Variants in ZNF816 observed in about 807,000 individuals in gnomAD.
ZNF816 encodes zinc finger protein 816A.
In ZNF816, 11 loss-of-function variants were observed where a neutral mutation model predicts 8.3. The ratio of observed to expected loss-of-function variants is 1.32; its 90% CI spans 0.83 to 2.19. The LOEUF (loss-of-function observed/expected upper bound fraction) is 2.19, where lower values mean the gene tolerates loss of function less well. Among genes scored for constraint, ZNF816 ranks in the 30% most tolerant of loss-of-function variants. ZNF816 has a pLI of 0.00. For missense variants in ZNF816, 710 were observed against 779.3 expected, an observed-to-expected ratio of 0.91 and a Z score of 1.06; for synonymous variants, 255 against 254.5, an observed-to-expected ratio of 1.00 and a Z score of -0.02.
rs1287072538 is a variant in ZNF816 at position 52,957,841 on chromosome 19, G to T, written c.-15-1737C>A. Reference sequence around the variant, plus strand: ...TGAGAGCCACCGTCTCTTCTACAGAGCACAGCTCTTTACAGCTAAGGTTAC... The same window carrying T: ...TGAGAGCCACCGTCTCTTCTACAGATCACAGCTCTTTACAGCTAAGGTTAC... On this transcript the variant is annotated intron_variant, in intron 1 of 3. Transcript: ENST00000444460. The surrounding 1 kb of genome is among the most constrained non-coding windows in gnomAD (Gnocchi z 4.6). Among the ~76,000 whole-genome samples the T allele has an allele frequency of 6.6e-6, 1 of 152,162 alleles. No homozygotes were observed.
rs2083538395 is a variant in ZNF816 at position 52,959,496 on chromosome 19, G to A, written c.-16+3231C>T. On this transcript the variant is annotated intron_variant, in intron 1 of 3. Coordinates refer to ENST00000444460, the MANE Select transcript of ZNF816 (RefSeq NM_001202457.3). ...TTCAACAGCCCACAAGGAGAGAGATGTGCAGGATATGCGGTAGTAACCCTG... is the reference window on the plus strand; with the variant it reads ...TTCAACAGCCCACAAGGAGAGAGATATGCAGGATATGCGGTAGTAACCCTG... Among the ~76,000 whole-genome samples the A allele has an allele frequency of 2.6e-5, 4 of 152,332 alleles. No individual in the cohort carries two copies. The South Asian group carries it at 8.3e-4, about 32-fold the overall frequency.
At chr19:52,955,539 C>T (rs937273477) in intron 2 of ZNF816, among the ~76,000 whole-genome samples, 2 of 152,138 alleles carry the variant, frequency 1.3e-5, no homozygotes, top group Non-Finnish European at 2.9e-5. Context: ...AAAAGTTTGG[C>T]GTCAGAGACA....
In ZNF816 at chr19:52,957,573, C is replaced by T. The variant is rs920653485; in HGVS notation, c.-15-1469G>A. ...CAACTGCCCCCAAGGAGCCCATGGT[C>T]AAGATGACAGTTAGGGGCAAAGACA... is the stretch of plus-strand genomic sequence containing the variant. On this transcript the variant is annotated intron_variant, in intron 1 of 3. Coordinates refer to ENST00000444460, the MANE Select transcript of ZNF816 (RefSeq NM_001202457.3). The surrounding 1 kb of genome is among the most constrained non-coding windows in gnomAD (Gnocchi z 4.6). Among the ~76,000 whole-genome samples the T allele has an allele frequency of 3.9e-5, 6 of 152,162 alleles. No individual in the cohort carries two copies. Among genetic ancestry groups the T allele is most frequent in the Admixed American group, 1.3e-4 (2 of 15,278 alleles).
chr19:52,949,473 A>G lies in ZNF816; in HGVS notation c.*346T>C. On this transcript the variant is annotated 3_prime_UTR_variant, in exon 4 of 4. Coordinates refer to ENST00000444460, the MANE Select transcript of ZNF816 (RefSeq NM_001202457.3). ...TCTGCATGGAATGACCACAGAGTGA[A>G]GACCTTGCCACCCTTACATTTGTAA... 2.2e-6 allele frequency: 1 copy of G among 459,830 alleles called. No homozygotes were observed. The highest frequency in any genetic ancestry group is 3.1e-5 in the Admixed American group (1 of 31,996). The allele number at this position is 459,830 out of a possible 1,614,324, so 28.5% of individuals were successfully genotyped here.
chr19:52,950,404 T>A lies in ZNF816; in HGVS notation c.1371A>T (p.Lys457Asn). Reference protein sequence around the residue: ...HTGEKPYKCNKCGRSFSRKSS... With the variant: ...HTGEKPYKCNNCGRSFSRKSS... ...ACTTCCGACTGAAACTCCTGCCACA[T>A]TTATTACACTTGTATGGTTTCTCTC... is the stretch of plus-strand genomic sequence containing the variant. Residue 457 changes from lysine to asparagine, a missense_variant, in exon 4 of 4, where the codon AAA (lysine) becomes AAT (asparagine). Transcript: ENST00000444460. The A allele has an allele frequency of 6.2e-7, 1 of 1,611,524 alleles. No homozygotes were observed. The highest frequency in any genetic ancestry group is 1.1e-5 in the South Asian group (1 of 90,936).
At position 52,949,851 on chromosome 19, in the gene ZNF816, T is replaced by C; in HGVS notation, c.1924A>G (p.Ile642Val). ...GQSTLIHHQA[I>V]HGCRETLQM Reference sequence around the variant, plus strand: ...TGTAAAGTTTCCCTACACCCATGGATTGCTTGATGGTGAATAAGTGTTGAC... The same window carrying C: ...TGTAAAGTTTCCCTACACCCATGGACTGCTTGATGGTGAATAAGTGTTGAC... The change falls in exon 4 of 4, where the codon ATC becomes GTC. Residue 642 changes from isoleucine to valine, a missense_variant. Transcript: ENST00000444460. 1 of 1,613,742 alleles carries C rather than the reference T, an allele frequency of 6.2e-7. No individual in the cohort carries two copies. The highest frequency in any genetic ancestry group is 8.5e-7 in the Non-Finnish European group (1 of 1,179,732).
rs563768851 is a variant in ZNF816 at position 52,950,135 on chromosome 19, C to T, written c.1640G>A (p.Arg547Gln). Reference sequence around the variant, plus strand: ...ATGGTTTGCAAGGCATGAATCACTCCGGAAAGCCTTGTCACAAACCTTACA... The same window carrying T: ...ATGGTTTGCAAGGCATGAATCACTCTGGAAAGCCTTGTCACAAACCTTACA... ...YKCKVCDKAFRSDSCLANHTR... is the reference protein window; with the variant it reads ...YKCKVCDKAFQSDSCLANHTR... The change falls in exon 4 of 4, where the codon CGG becomes CAG. Residue 547 changes from arginine (R) to glutamine (Q), a missense_variant. Coordinates refer to ENST00000444460, the MANE Select transcript of ZNF816 (RefSeq NM_001202457.3). The T allele has an allele frequency of 3.8e-5, 61 of 1,614,048 alleles. No individual in the cohort carries two copies. The highest frequency in any genetic ancestry group is 8.8e-5 in the South Asian group (8 of 91,064).
intron 3 of ZNF816, 43 bp from the exon 4 acceptor site, chr19:52,951,627 T>C (rs761744086): frequency 1.4e-6 from 2 of 1,465,520 alleles, no homozygotes; most frequent in Admixed American, 2.3e-5. Context: ...TAAGTACAGA[T>C]GGTAAATAAT....
At chr19:52,952,473 C>A in intron 3 of ZNF816, 1 of 517,128 alleles carries the variant, frequency 1.9e-6, no homozygotes, top group South Asian at 3.2e-5. Context: ...GCTGACCATT[C>A]TGCTCAGGGC....
At chr19:52,953,649 T>C (rs1434359268) in intron 2 of ZNF816, among the ~76,000 whole-genome samples, 1 of 139,998 alleles carries the variant, frequency 7.1e-6, no homozygotes, top group Non-Finnish European at 1.5e-5. Flanking sequence ...ATATAATATA[T>C]ATTACAATAT....
Position 52,951,021 on chromosome 19 carries a change from A to T in ZNF816, c.754T>A (p.Ser252Thr), listed in dbSNP as rs2083454096. The change falls in exon 4 of 4, where the codon TCA becomes ACA. Residue 252 changes from serine (S) to threonine (T), a missense_variant. By Grantham distance (58) the Ser-to-Thr change is moderately conservative (BLOSUM62 1). Transcript: ENST00000444460. ...SLLRRHHITH[S>T]REREYKCDVC... ...TCACATTTATATTCTCTCTCTCTTG[A>T]ATGGGTTATGTGGTGTCTCCTTAAG... is the stretch of plus-strand genomic sequence containing the variant. 4.3e-6 allele frequency: 7 copies of T among 1,613,946 alleles called. No individual in the cohort carries two copies. Among genetic ancestry groups the T allele is most frequent in the Non-Finnish European group, 5.9e-6 (7 of 1,179,984 alleles).
At chr19:52,954,808 A>C (rs2083495286) in intron 2 of ZNF816, among the ~76,000 whole-genome samples, 1 of 138,638 alleles carries the variant, frequency 7.2e-6, no homozygotes. Flanking sequence ...GTCTCAAAAA[A>C]CATGCAAAAA....
chr19:52,952,654 C>CA, intron 3 of ZNF816, 97 bp downstream of exon 3: 1 of 1,587,368 alleles, frequency 6.3e-7, no homozygotes, highest in Non-Finnish European at 8.5e-7. Flanking sequence ...ACATCAAAAG[C>CA]ATGTATGGGG....
chr19:52,959,045 G>A (rs1429744523), intron 1 of ZNF816, among the ~76,000 whole-genome samples: 2 of 152,210 alleles, frequency 1.3e-5, no homozygotes, highest in African/African-American at 4.8e-5. Flanking sequence ...CCAAACTGTG[G>A]GGCCCTGGCC....
At position 52,957,320 on chromosome 19, in the gene ZNF816, C is replaced by T. The variant is rs894831958; in HGVS notation, c.-15-1216G>A. 1.1e-4 allele frequency among the ~76,000 whole-genome samples: 16 copies of T among 152,086 alleles called. No homozygotes were observed. The highest frequency in any genetic ancestry group is 5.8e-4 in the East Asian group (3 of 5,198). On this transcript the variant is annotated intron_variant, in intron 1 of 3. Coordinates refer to ENST00000444460, the MANE Select transcript of ZNF816 (RefSeq NM_001202457.3). The surrounding 1 kb of genome is among the most constrained non-coding windows in gnomAD (Gnocchi z 4.6). The stretch of plus-strand genomic sequence containing the variant: ...TGCTGGGTACTCCAGCCAGCTTGGG[C>T]GACATGGATTCTGAGAGTGCTACCA...
chr19:52,949,968 TA>T lies in ZNF816; in HGVS notation c.1806del (p.Phe602LeufsTer92). ...PYKCNECGKV[F>X]NQKASLAKHQ... The stretch of plus-strand genomic sequence containing the variant: ...TGTTTTGCAAGGCTTGCTTTTTGAT[TA>T]AAAACCTTGCCACATTCATTACACT... On this transcript the variant is annotated frameshift_variant, in exon 4 of 4. Coordinates refer to ENST00000444460, the MANE Select transcript of ZNF816 (RefSeq NM_001202457.3). LOFTEE classifies it low-confidence loss of function (END_TRUNC). 1 of 1,614,016 alleles carries T rather than the reference TA, an allele frequency of 6.2e-7. No homozygotes were observed. The highest frequency in any genetic ancestry group is 1.1e-5 in the South Asian group (1 of 91,068).
intron 2 of ZNF816, among the ~76,000 whole-genome samples, chr19:52,955,339 G>A (rs949882698): frequency 5.9e-5 from 9 of 152,220 alleles, no homozygotes; most frequent in South Asian, 2.1e-4. Flanking sequence ...ATCTATATCC[G>A]CTTTCCATTC....
rs781147714 is a variant in ZNF816, at chr19:52,949,823, A to G, written c.1952T>C (p.Met651Thr). The change falls in exon 4 of 4, where the codon ATG becomes ACG. Residue 651 changes from methionine to threonine, a missense_variant. Coordinates refer to ENST00000444460, the MANE Select transcript of ZNF816 (RefSeq NM_001202457.3). ...AIHGCRETLQ[M>T] ...CTGAAGACTTTGTGACAATCATTACATTTGTAAAGTTTCCCTACACCCATG... is the reference window on the plus strand; with the variant it reads ...CTGAAGACTTTGTGACAATCATTACGTTTGTAAAGTTTCCCTACACCCATG... The G allele has an allele frequency of 1.5e-5, 24 of 1,613,510 alleles. No individual in the cohort carries two copies. Among genetic ancestry groups the G allele is most frequent in the Non-Finnish European group, 1.9e-5 (22 of 1,179,704 alleles).
rs372208000 is a variant in ZNF816, at chr19:52,957,811, C to T, written c.-15-1707G>A. 2.4e-4 allele frequency among the ~76,000 whole-genome samples: 37 copies of T among 152,286 alleles called. No homozygotes were observed. Among genetic ancestry groups the T allele is most frequent in the East Asian group, 1.9e-4 (1 of 5,176 alleles). On this transcript the variant is annotated intron_variant, in intron 1 of 3. Transcript: ENST00000444460. This position sits in a 1 kb window ranked among gnomAD's most constrained non-coding sequence, Gnocchi z 4.6. ...AAAGGACTTGAAAGGACTTGCTTAGCGAGCTGAGAGCCACCGTCTCTTCTA... is the reference window on the plus strand; with the variant it reads ...AAAGGACTTGAAAGGACTTGCTTAGTGAGCTGAGAGCCACCGTCTCTTCTA...
Sources: gnomAD v4.1 joint callset for allele counts (sites outside exome capture counted in the v4.1 genomes callset) on GRCh38, gnomAD v4.1.1 for gene constraint, Gnocchi (gnomAD v3.1) non-coding constraint, MANE v1.5 for transcripts, NCBI Gene and HGNC (gene_info 2026-07-23, HGNC 2026-07-21) for gene names.